The following FAM168A variants were observed in gnomAD, a reference collection of about 807,000 sequenced individuals.
FAM168A encodes family with sequence similarity 168 member A.
Under a neutral mutation model 28.5 loss-of-function variants are expected in FAM168A, and 3 were observed. The ratio of observed to expected loss-of-function variants is 0.11; its 90% CI spans 0.05 to 0.27. The LOEUF (loss-of-function observed/expected upper bound fraction) is 0.27, where lower values mean the gene tolerates loss of function less well. Among genes scored for constraint, FAM168A ranks in the 10% least tolerant of loss-of-function variants. The pLI is 1.00. For missense variants in FAM168A, 222 were observed against 311.5 expected (o/e 0.71, Z 2.16); for synonymous variants, 122 against 124.2 (o/e 0.98, Z 0.12).
At chr11:73,508,288 A>G (rs1855154025) in intron 1 of FAM168A, among the ~76,000 whole-genome samples, 1 of 152,154 alleles carries the variant, frequency 6.6e-6, no homozygotes, top group East Asian at 1.9e-4. Flanking sequence ...TATTACTATT[A>G]CTCATATCCA....
intron 1 of FAM168A, among the ~76,000 whole-genome samples, chr11:73,582,491 C>A (rs1369451201): frequency 6.6e-6 from 1 of 150,994 alleles, no homozygotes; most frequent in Non-Finnish European, 1.5e-5. Context: ...CCATTGCACT[C>A]CAGCCTGGGG....
chr11:73,427,236 C>A (rs1866903313), intron 3 of FAM168A, among the ~76,000 whole-genome samples: 1 of 151,974 alleles, frequency 6.6e-6, no homozygotes, highest in African/African-American at 2.4e-5. Flanking sequence ...CGTGATCCAC[C>A]CGCCTCGGCC....
intron 1 of FAM168A, among the ~76,000 whole-genome samples, chr11:73,540,069 TC>T (rs1295055642): frequency 1.3e-5 from 2 of 152,234 alleles, no homozygotes; most frequent in Non-Finnish European, 2.9e-5. Flanking sequence ...CTCATCAACT[TC>T]TAAATCATTT....
intron 1 of FAM168A, among the ~76,000 whole-genome samples, chr11:73,523,186 A>G (rs989412566): frequency 6.6e-6 from 1 of 152,166 alleles, no homozygotes; most frequent in African/African-American, 2.4e-5. Flanking sequence ...CCAGAACTGG[A>G]GTTTCAGCTT....
chr11:73,585,092 T>C (rs1944296236), intron 1 of FAM168A, among the ~76,000 whole-genome samples: 1 of 152,014 alleles, frequency 6.6e-6, no homozygotes, highest in Non-Finnish European at 1.5e-5. Flanking sequence ...CCAAGTAAGC[T>C]ACAACCAGAA....
At chr11:73,590,467 C>T (rs981339426) in intron 1 of FAM168A, among the ~76,000 whole-genome samples, 3 of 152,148 alleles carry the variant, frequency 2.0e-5, no homozygotes, top group African/African-American at 7.2e-5. Flanking sequence ...ACACACTACA[C>T]CTACATACAA....
intron 5 of FAM168A, 66 bp downstream of exon 5, chr11:73,411,328 C>T: frequency 6.6e-7 from 1 of 1,513,978 alleles, no homozygotes; most frequent in Non-Finnish European, 8.9e-7. Flanking sequence ...CACCCTACCC[C>T]ACCACACTGC....
At chr11:73,523,032 A>G (rs1943404430) in intron 1 of FAM168A, among the ~76,000 whole-genome samples, 1 of 151,958 alleles carries the variant, frequency 6.6e-6, no homozygotes, top group African/African-American at 2.4e-5. Flanking sequence ...ACAAAACAAA[A>G]CAAAACACAC....
chr11:73,418,459 T>C lies in FAM168A; in HGVS notation c.277+1415A>G, dbSNP rs544284489. On this transcript the variant is annotated intron_variant, in intron 4 of 7. Transcript: ENST00000356467. ...AGAAGCTAAGCAGGGGTTGGTACCATGCTTGTGCAGCCTGCAGAACCGTAA... is the reference window on the plus strand; with the variant it reads ...AGAAGCTAAGCAGGGGTTGGTACCACGCTTGTGCAGCCTGCAGAACCGTAA... 2.6e-5 allele frequency among the ~76,000 whole-genome samples: 4 copies of C among 152,368 alleles called. No homozygotes were observed. The East Asian group carries it at 7.7e-4, about 29-fold the overall frequency.
At chr11:73,587,015 T>A (rs540225831) in intron 1 of FAM168A, among the ~76,000 whole-genome samples, 5 of 152,182 alleles carry the variant, frequency 3.3e-5, no homozygotes, top group Admixed American at 6.5e-5. Context: ...TTTGACAACA[T>A]CAGCCATTCC....
At chr11:73,516,911 T>A (rs1242274068) in intron 1 of FAM168A, among the ~76,000 whole-genome samples, 2 of 152,166 alleles carry the variant, frequency 1.3e-5, no homozygotes, top group Non-Finnish European at 2.9e-5. Context: ...AAAAGAGACA[T>A]TATCCCTGCC....
intron 1 of FAM168A, among the ~76,000 whole-genome samples, chr11:73,506,653 C>A (rs2134631567): frequency 6.6e-6 from 1 of 152,260 alleles, no homozygotes; most frequent in Non-Finnish European, 1.5e-5. Context: ...ACAAGATATT[C>A]TTTAAAGGTC....
At chr11:73,533,790 T>C (rs1025337894) in intron 1 of FAM168A, among the ~76,000 whole-genome samples, 1 of 152,210 alleles carries the variant, frequency 6.6e-6, no homozygotes, top group Admixed American at 6.5e-5. Flanking sequence ...TAATATATAA[T>C]GTTTTTAGGG....
chr11:73,468,962 C>A (rs193103385), intron 1 of FAM168A, among the ~76,000 whole-genome samples: 1 of 152,148 alleles, frequency 6.6e-6, no homozygotes, highest in African/African-American at 2.4e-5. Flanking sequence ...TGTCTGGTGA[C>A]GAGCAAACAG....
chr11:73,590,653 CAT>C (rs1196902420), intron 1 of FAM168A, among the ~76,000 whole-genome samples: 2 of 152,176 alleles, frequency 1.3e-5, no homozygotes, highest in Non-Finnish European at 2.9e-5. Flanking sequence ...TTTTTTTCTA[CAT>C]GTTATACATA....
intron 1 of FAM168A, among the ~76,000 whole-genome samples, chr11:73,479,940 A>G (rs573479645): frequency 6.6e-6 from 1 of 152,310 alleles, no homozygotes; most frequent in Admixed American, 6.5e-5. Flanking sequence ...AGAAAACTCC[A>G]TTTCAGTGGT....
At chr11:73,590,319 C>G (rs1944366058) in intron 1 of FAM168A, among the ~76,000 whole-genome samples, 1 of 152,192 alleles carries the variant, frequency 6.6e-6, no homozygotes, top group Non-Finnish European at 1.5e-5. Context: ...TGGAGGATCA[C>G]TTCAGCCTAG....
intron 1 of FAM168A, among the ~76,000 whole-genome samples, chr11:73,594,451 C>T (rs1944420375): frequency 6.6e-6 from 1 of 151,634 alleles, no homozygotes; most frequent in Admixed American, 6.6e-5. Context: ...CCTTTTTAAC[C>T]AAAGTTAAGT....
At chr11:73,539,551 G>A (rs1590841749) in intron 1 of FAM168A, among the ~76,000 whole-genome samples, 1 of 152,248 alleles carries the variant, frequency 6.6e-6, no homozygotes, top group South Asian at 2.1e-4. Context: ...GCAGGTGTGA[G>A]CCATCGGGCC....
Sources: gnomAD v4.1 joint callset for allele counts (sites outside exome capture counted in the v4.1 genomes callset) on GRCh38, gnomAD v4.1.1 for gene constraint, MANE v1.5 for transcripts, NCBI Gene and HGNC (gene_info 2026-07-23, HGNC 2026-07-21) for gene names.